The following DOCK10 variants were observed in gnomAD, a reference collection of about 807,000 sequenced individuals.
The protein encoded by DOCK10 is dedicator of cytokinesis 10.
A neutral mutation model predicts 280.1 loss-of-function variants in DOCK10; 145 were observed. The ratio of observed to expected loss-of-function variants is 0.52; its 90% confidence interval spans 0.45 to 0.59. The LOEUF is 0.59. Among genes scored for constraint, DOCK10 ranks in the 20% least tolerant of loss-of-function variants. The probability of loss-of-function intolerance (pLI) is 0.00; values close to 1 mark genes in which losing one functional copy is unlikely to be tolerated. For missense variants in DOCK10, 2,368 were observed against 2,651.7 expected (o/e 0.89, Z 2.35); for synonymous variants, 915 against 942.2 (o/e 0.97, Z 0.53).
intron 24 of DOCK10, among the ~76,000 whole-genome samples, chr2:224,838,875 A>T (rs1333060715): frequency 6.6e-6 from 1 of 152,218 alleles, no homozygotes; most frequent in Admixed American, 6.5e-5. Flanking sequence ...GTATAGCCAA[A>T]TTTAAAGTGA....
At chr2:224,950,243 C>T (rs1703652915) in intron 1 of DOCK10, among the ~76,000 whole-genome samples, 1 of 152,092 alleles carries the variant, frequency 6.6e-6, no homozygotes, top group Non-Finnish European at 1.5e-5. Flanking sequence ...GAAACATAAC[C>T]ATACATTTCA....
At chr2:224,901,147 A>C (rs1036159587) in intron 3 of DOCK10, among the ~76,000 whole-genome samples, 1 of 152,222 alleles carries the variant, frequency 6.6e-6, no homozygotes, top group Non-Finnish European at 1.5e-5. Context: ...GTTCCAGCCC[A>C]CACAGTCACT....
intron 3 of DOCK10, among the ~76,000 whole-genome samples, chr2:224,897,139 C>T (rs113207075): frequency 0.018 from 2,768 of 152,276 alleles, 42 homozygotes; most frequent in Middle Eastern, 0.027. Context: ...CTTCAGTAAC[C>T]AATCTTTTCC....
chr2:224,954,007 G>GTAT (rs1703910274), intron 1 of DOCK10, among the ~76,000 whole-genome samples: 1 of 152,024 alleles, frequency 6.6e-6, no homozygotes, highest in African/African-American at 2.4e-5. Context: ...TGTCTGTACA[G>GTAT]GTATATAGGC....
At chr2:224,801,516 C>T (rs894979295) in intron 40 of DOCK10, among the ~76,000 whole-genome samples, 45 of 152,022 alleles carry the variant, frequency 3.0e-4, no homozygotes, top group Non-Finnish European at 1.0e-4. Flanking sequence ...AAACGCTGGC[C>T]TCCATTTTAC....
intron 4 of DOCK10, 40 bp from the exon 5 acceptor site, chr2:224,886,571 G>A: frequency 6.5e-7 from 1 of 1,530,898 alleles, no homozygotes; most frequent in South Asian, 1.2e-5. Flanking sequence ...TTTGTCATTG[G>A]AGACAGCTTT....
intron 1 of DOCK10, among the ~76,000 whole-genome samples, chr2:224,951,089 G>A (rs1703701117): frequency 6.6e-6 from 1 of 152,216 alleles, no homozygotes; most frequent in Non-Finnish European, 1.5e-5. Context: ...AGACATACTT[G>A]TGCTTAAATC....
intron 1 of DOCK10, among the ~76,000 whole-genome samples, chr2:225,012,366 C>T (rs561997947): frequency 1.3e-5 from 2 of 152,338 alleles, no homozygotes; most frequent in South Asian, 4.1e-4. Flanking sequence ...CATTTGCAGG[C>T]ATGCATGTCA....
chr2:224,904,644 A>G (rs1351011071), intron 3 of DOCK10, among the ~76,000 whole-genome samples: 2 of 152,156 alleles, frequency 1.3e-5, no homozygotes, highest in Non-Finnish European at 2.9e-5. Flanking sequence ...TAATTTATTT[A>G]TACATGCAAC....
intron 1 of DOCK10, among the ~76,000 whole-genome samples, chr2:225,030,453 C>G (rs1690045315): frequency 6.6e-6 from 1 of 152,160 alleles, no homozygotes; most frequent in African/African-American, 2.4e-5. Flanking sequence ...GGCTCACACT[C>G]CTTGGACTTT....
At chr2:224,888,444 G>T (rs995070657) in intron 4 of DOCK10, among the ~76,000 whole-genome samples, 17 of 151,832 alleles carry the variant, frequency 1.1e-4, no homozygotes, top group Admixed American at 3.9e-4. Context: ...ATATATGTGT[G>T]TGAATATACA....
chr2:224,816,559 G>A lies in DOCK10; in HGVS notation c.3364+58C>T, dbSNP rs186262756. The A allele has an allele frequency of 8.0e-4, 839 of 1,045,994 alleles. 4 individuals are homozygous for A. In the African/African-American group the frequency reaches 0.012, roughly 14 times the overall value. 64.8% of individuals were successfully genotyped at this position (1,045,994 alleles called of 1,614,324 possible). On this transcript the variant is annotated intron_variant, in intron 30 of 55. Transcript: ENST00000258390. The stretch of plus-strand genomic sequence containing the variant: ...AATAATAATAAACAAAAGGTAAAAC[G>A]AACAAACAAAAGCATTCACTTTGCA...
chr2:224,824,429 CTTTTTTTT>C (rs869275800), intron 27 of DOCK10, among the ~76,000 whole-genome samples: 1 of 63,584 alleles, frequency 1.6e-5, no homozygotes, highest in Non-Finnish European at 2.9e-5. Flanking sequence ...TCAGACTCTG[CTTTTTTTT>C]TTTTTTTTTT....
In DOCK10 at chr2:224,881,888, T is replaced by C. The variant is rs148161068; in HGVS notation, c.747+3783A>G. 1.8e-3 allele frequency among the ~76,000 whole-genome samples: 268 copies of C among 152,356 alleles called. 2 individuals carry two copies. In the Middle Eastern group the frequency reaches 0.027, roughly 15 times the overall value. ...TAGGCAGGCATTCTCCACGTCTACA[T>C]AGTCCAAGCTGCATCTGTTTCTCAC... On this transcript the variant is annotated intron_variant, in intron 7 of 55. Coordinates refer to ENST00000258390, the MANE Select transcript of DOCK10 (RefSeq NM_014689.3).
intron 40 of DOCK10, among the ~76,000 whole-genome samples, chr2:224,801,544 A>G (rs1693015200): frequency 6.6e-6 from 1 of 152,118 alleles, no homozygotes; most frequent in African/African-American, 2.4e-5. Context: ...CACAAGCTGG[A>G]GTGTGTGCAT....
chr2:224,805,538 A>C lies in DOCK10; in HGVS notation c.3815-9T>G, dbSNP rs1331052029. The C allele has an allele frequency of 1.9e-6, 3 of 1,611,856 alleles. No individual in the cohort carries two copies. The African/African-American group carries it at 4.0e-5, about 22-fold the overall frequency. On this transcript the variant is annotated splice_polypyrimidine_tract_variant and intron_variant, in intron 34 of 55. Transcript: ENST00000258390. This position sits in a 1 kb window ranked among gnomAD's most constrained non-coding sequence, Gnocchi z 4.3. Reference sequence around the variant, plus strand: ...AGCTATTGATGAAAATGCTGTAAACACAAGCCACAGCACACGTATGGGAAT... The same window carrying C: ...AGCTATTGATGAAAATGCTGTAAACCCAAGCCACAGCACACGTATGGGAAT...
intron 1 of DOCK10, among the ~76,000 whole-genome samples, chr2:225,040,505 A>G (rs1345913844): frequency 8.2e-6 from 1 of 122,442 alleles, no homozygotes; most frequent in African/African-American, 3.3e-5. Context: ...ATTTTGGAGA[A>G]AGCAGTGCGT....
At chr2:224,951,659 T>A (rs116664889) in intron 1 of DOCK10, among the ~76,000 whole-genome samples, 207 of 152,318 alleles carry the variant, frequency 1.4e-3, no homozygotes, top group African/African-American at 4.7e-3. Context: ...AACCTCCATT[T>A]ATGATCTGTT....
chr2:224,822,691 T>G (rs1694577688), intron 28 of DOCK10, among the ~76,000 whole-genome samples: 2 of 152,002 alleles, frequency 1.3e-5, no homozygotes, highest in African/African-American at 2.4e-5. Flanking sequence ...CCAGCTTGGG[T>G]TGACAGAGTG....
Sources: allele counts gnomAD v4.1 joint callset (sites outside exome capture counted in the v4.1 genomes callset), GRCh38; gene constraint gnomAD v4.1.1; non-coding constraint Gnocchi (gnomAD v3.1); transcripts MANE v1.5; gene names NCBI Gene and HGNC (gene_info 2026-07-23, HGNC 2026-07-21).